The following HTRA3 variants were observed in gnomAD, a reference collection of about 807,000 sequenced individuals.
The protein encoded by HTRA3 is HtrA serine peptidase 3, also known as serine protease HTRA3.
In HTRA3, 41 loss-of-function variants were observed where a neutral mutation model predicts 43.2. The observed-to-expected ratio is 0.95, with a 90% CI of 0.74 to 1.23. The LOEUF is 1.23. Ranked by LOEUF, HTRA3 falls within the 50% of genes most tolerant of loss-of-function variation. HTRA3 has a pLI of 0.00. For synonymous variants in HTRA3, 295 were observed against 287.9 expected, an observed-to-expected ratio of 1.02 and a Z score of -0.25; for missense variants, 628 against 647.1, an observed-to-expected ratio of 0.97 and a Z score of 0.32.
At chr4:8,288,895 G>C (rs7375908) in intron 3 of HTRA3, among the ~76,000 whole-genome samples, 1 of 98,020 alleles carries the variant, frequency 1.0e-5, no homozygotes, top group African/African-American at 3.4e-5. Context: ...CCTTCCTTCC[G>C]TCCGTCCTTC....
intron 1 of HTRA3, among the ~76,000 whole-genome samples, chr4:8,271,629 G>C (rs1712280986): frequency 6.6e-6 from 1 of 152,232 alleles, no homozygotes; most frequent in South Asian, 2.1e-4. Context: ...AGGCTGGAAA[G>C]TTCAAGACCA....
intron 6 of HTRA3, among the ~76,000 whole-genome samples, chr4:8,298,380 G>A (rs796919269): frequency 3.3e-5 from 5 of 152,226 alleles, no homozygotes; most frequent in African/African-American, 1.2e-4. Context: ...GGTTGTGAGA[G>A]TTCTTTCTAC....
chr4:8,282,467 A>T lies in HTRA3; in HGVS notation c.416A>T (p.Lys139Met). ...GLHQLSSPRYKFNFIADVVEK... is the reference protein window; with the variant it reads ...GLHQLSSPRYMFNFIADVVEK... ...CACCAGCTGAGCAGCCCGCGCTACA[A>T]GTTCAACTTCATTGCTGACGTGGTG... The change falls in exon 2 of 9, where the codon AAG becomes ATG. Residue 139 changes from lysine (K) to methionine (M), a missense_variant. Transcript: ENST00000307358. 1.2e-6 allele frequency: 2 copies of T among 1,614,030 alleles called. No individual in the cohort carries two copies. The highest frequency in any genetic ancestry group is 2.2e-5 in the South Asian group (2 of 91,048).
At chr4:8,272,582 C>G (rs1297934234) in intron 1 of HTRA3, among the ~76,000 whole-genome samples, 3 of 152,242 alleles carry the variant, frequency 2.0e-5, no homozygotes, top group Non-Finnish European at 4.4e-5. Flanking sequence ...TGGGCAACCC[C>G]CAGACCACGT....
chr4:8,291,676 G>A (rs1713249893), intron 4 of HTRA3, 112 bp downstream of exon 4: 5 of 716,202 alleles, frequency 7.0e-6, no homozygotes, highest in African/African-American at 5.4e-5. Flanking sequence ...TCTGGCACTC[G>A]ACACATCCAC....
chr4:8,272,422 G>A (rs966491884), intron 1 of HTRA3, among the ~76,000 whole-genome samples: 2 of 152,144 alleles, frequency 1.3e-5, no homozygotes, highest in African/African-American at 4.8e-5. Context: ...ATGGGCTGAG[G>A]CCTCAGTGCT....
chr4:8,294,221 G>A lies in HTRA3; in HGVS notation c.1051+20G>A, dbSNP rs1428873198. 3 of 1,551,176 alleles carry A rather than the reference G, an allele frequency of 1.9e-6. No individual in the cohort carries two copies. Among genetic ancestry groups the A allele is most frequent in the Middle Eastern group, 1.7e-4 (1 of 5,964 alleles). On this transcript the variant is annotated intron_variant, in intron 6 of 8. Coordinates refer to ENST00000307358, the MANE Select transcript of HTRA3 (RefSeq NM_053044.5). ...TCAAAGGTAAAGAGCTCACCTGGAG[G>A]GGGCCAGAGGCAGGGGGCACTCTCC...
In HTRA3 at chr4:8,306,619, C is replaced by T; in HGVS notation, c.*483C>T. The stretch of plus-strand genomic sequence containing the variant: ...GCTGTAGGGCCAGGGCTGCTGCCTG[C>T]CAGCCTGGGGTCCCTGGAGGACAGG... On this transcript the variant is annotated 3_prime_UTR_variant, in exon 9 of 9. Transcript: ENST00000307358. This position sits in a 1 kb window ranked among gnomAD's most constrained non-coding sequence, Gnocchi z 8.9. 6.3e-6 allele frequency: 1 copy of T among 159,484 alleles called. No homozygotes were observed. The highest frequency in any genetic ancestry group is 1.4e-5 in the Non-Finnish European group (1 of 71,970). The allele number at this position is 159,484 out of a possible 1,614,324, so 9.9% of individuals were successfully genotyped here. A position where few individuals can be genotyped will look rare whatever the true frequency, so the allele number is the denominator to read the frequency against.
At position 8,295,883 on chromosome 4, in the gene HTRA3, A is replaced by T. The variant is rs1280422858; in HGVS notation, c.1051+1682A>T. ...TGTCCATTATGGGAAGACAATCTGG[A>T]GCCAGGCAGAGCCTGTCTTTCCCAA... On this transcript the variant is annotated intron_variant, in intron 6 of 8. Transcript: ENST00000307358. The surrounding 1 kb of genome is among the most constrained non-coding windows in gnomAD (Gnocchi z 6.9). 8.9e-6 allele frequency: 11 copies of T among 1,235,004 alleles called. No individual in the cohort carries two copies. Among genetic ancestry groups the T allele is most frequent in the Non-Finnish European group, 1.1e-5 (11 of 988,896 alleles). 76.5% of individuals were successfully genotyped at this position (1,235,004 alleles called of 1,614,324 possible).
At chr4:8,291,716 T>C (rs75926886) in intron 4 of HTRA3, 152 bp downstream of exon 4, 58,210 of 641,086 alleles carry the variant, frequency 0.091, 3,148 homozygotes, top group South Asian at 0.16. Context: ...TTACATTCGG[T>C]GGAGCTCTAA....
At position 8,306,210 on chromosome 4, in the gene HTRA3, G is replaced by A. The variant is rs567095444; in HGVS notation, c.*74G>A. 30 of 1,449,138 alleles carry A rather than the reference G, an allele frequency of 2.1e-5. No individual in the cohort carries two copies. In the South Asian group the frequency reaches 3.2e-4, roughly 15 times the overall value. 89.8% of individuals were successfully genotyped at this position (1,449,138 alleles called of 1,614,324 possible). A position where few individuals can be genotyped will look rare whatever the true frequency, so the allele number is the denominator to read the frequency against. On this transcript the variant is annotated 3_prime_UTR_variant, in exon 9 of 9. Transcript: ENST00000307358. This position sits in a 1 kb window ranked among gnomAD's most constrained non-coding sequence, Gnocchi z 8.9. ...GGCAGCGCCCCCCCGAGATCAGGAC[G>A]AAGGACCACCGTCGGTCCTCAGCAG...
At position 8,296,004 on chromosome 4, in the gene HTRA3, G is replaced by A. The variant is rs1188248401; in HGVS notation, c.1051+1803G>A. The A allele has an allele frequency of 6.8e-6, 8 of 1,184,884 alleles. No individual in the cohort carries two copies. Among genetic ancestry groups the A allele is most frequent in the Admixed American group, 4.5e-5 (1 of 22,050 alleles). The allele number at this position is 1,184,884 out of a possible 1,614,324, so 73.4% of individuals were successfully genotyped here. A position where few individuals can be genotyped will look rare whatever the true frequency, so the allele number is the denominator to read the frequency against. On this transcript the variant is annotated intron_variant, in intron 6 of 8. Coordinates refer to ENST00000307358, the MANE Select transcript of HTRA3 (RefSeq NM_053044.5). This position sits in a 1 kb window ranked among gnomAD's most constrained non-coding sequence, Gnocchi z 5.3. ...CTAGGAAGCTCAGAGCTAGATTCAG[G>A]GGTGCACCCAGACCTGTCCTAGCAT... is the stretch of plus-strand genomic sequence containing the variant.
chr4:8,286,447 G>A lies in HTRA3; in HGVS notation c.486-114G>A. On this transcript the variant is annotated intron_variant, in intron 2 of 8. Transcript: ENST00000307358. This position sits in a 1 kb window ranked among gnomAD's most constrained non-coding sequence, Gnocchi z 4.9. ...GGAGCTTGAGGGACTCCAGACCTGTGTTCTGTCAGCCACACACTGGCTCTG... is the reference window on the plus strand; with the variant it reads ...GGAGCTTGAGGGACTCCAGACCTGTATTCTGTCAGCCACACACTGGCTCTG... 4 of 858,698 alleles carry A rather than the reference G, an allele frequency of 4.7e-6. No individual in the cohort carries two copies. In the South Asian group the frequency reaches 6.0e-5, roughly 13 times the overall value. 53.2% of individuals were successfully genotyped at this position (858,698 alleles called of 1,614,324 possible).
chr4:8,283,064 G>A (rs745580225), intron 2 of HTRA3, among the ~76,000 whole-genome samples: 6 of 152,238 alleles, frequency 3.9e-5, no homozygotes, highest in Admixed American at 6.5e-5. Context: ...ACCGAGGCCC[G>A]TGTGGCCGGA....
At chr4:8,303,378 G>A (rs78404900) in intron 7 of HTRA3, among the ~76,000 whole-genome samples, 1,764 of 152,334 alleles carry the variant, frequency 0.012, 29 homozygotes, top group African/African-American at 0.041. Flanking sequence ...GTCCACTGCA[G>A]AGCAGGTGCC....
chr4:8,288,489 G>A (rs1713085590), intron 3 of HTRA3, among the ~76,000 whole-genome samples: 1 of 151,848 alleles, frequency 6.6e-6, no homozygotes, highest in Admixed American at 6.6e-5. Context: ...TGGTCAGGCT[G>A]GTCTTGAACT....
chr4:8,275,162 C>T lies in HTRA3; in HGVS notation c.385+4809C>T, dbSNP rs566798919. ...GGCTGCCAGGAGCCAGGAGTCCAGC[C>T]GGACTGGAGCTGAGACCAGGGCGCT... On this transcript the variant is annotated intron_variant, in intron 1 of 8. Transcript: ENST00000307358. Among the ~76,000 whole-genome samples, 8 of 152,338 alleles carry T rather than the reference C, an allele frequency of 5.3e-5. No individual in the cohort carries two copies. In the South Asian group the frequency reaches 6.2e-4, roughly 12 times the overall value.
chr4:8,284,270 G>A (rs1325460090), intron 2 of HTRA3, among the ~76,000 whole-genome samples: 1 of 152,244 alleles, frequency 6.6e-6, no homozygotes, highest in Non-Finnish European at 1.5e-5. Flanking sequence ...TGTCATTGAG[G>A]AAATTATAAC....
rs1485897508 is a variant in HTRA3, at chr4:8,297,908, C to T, written c.1051+3707C>T. ...AGACCCCCCTGCTCCTGCAGCCCCACCTGCCGTCCCCACTGAGTTATGTCA... is the reference window on the plus strand; with the variant it reads ...AGACCCCCCTGCTCCTGCAGCCCCATCTGCCGTCCCCACTGAGTTATGTCA... On this transcript the variant is annotated intron_variant, in intron 6 of 8. Coordinates refer to ENST00000307358, the MANE Select transcript of HTRA3 (RefSeq NM_053044.5). This position sits in a 1 kb window ranked among gnomAD's most constrained non-coding sequence, Gnocchi z 5.8. Among the ~76,000 whole-genome samples the T allele has an allele frequency of 6.6e-6, 1 of 152,212 alleles. No homozygotes were observed. The highest frequency in any genetic ancestry group is 2.4e-5 in the African/African-American group (1 of 41,444).
Sources: allele counts gnomAD v4.1 joint callset (sites outside exome capture counted in the v4.1 genomes callset), GRCh38; gene constraint gnomAD v4.1.1; non-coding constraint Gnocchi (gnomAD v3.1); transcripts MANE v1.5; gene names NCBI Gene and HGNC (gene_info 2026-07-23, HGNC 2026-07-21).